HS6ST3: variants seen among roughly 807,000 people sequenced by gnomAD.
HS6ST3 encodes the protein heparan-sulfate 6-O-sulfotransferase 3.
A neutral mutation model predicts 36.7 loss-of-function variants in HS6ST3; 12 were observed. That is an observed-to-expected ratio of 0.33 (90% CI 0.21 to 0.53). The LOEUF is 0.53. Among genes scored for constraint, HS6ST3 ranks in the 20% least tolerant of loss-of-function variants. The pLI is 0.95. For missense variants in HS6ST3, 584 were observed against 640.9 expected (o/e 0.91, Z 0.96); for synonymous variants, 240 against 257.5 (o/e 0.93, Z 0.65).
intron 1 of HS6ST3, among the ~76,000 whole-genome samples, chr13:96,676,041 C>T (rs1161624760): frequency 6.6e-6 from 1 of 152,112 alleles, no homozygotes; most frequent in Admixed American, 6.6e-5. Context: ...GTAAGATCCA[C>T]CCGTGCACAG....
rs1566456735 is a variant in HS6ST3, at chr13:96,799,946, A to ATATATATATATATATATG, written c.708-32542_708-32525dup. 1.6e-3 allele frequency among the ~76,000 whole-genome samples: 120 copies of ATATATATATATATATATG among 77,058 alleles called. 2 individuals carry two copies. The highest frequency in any genetic ancestry group is 4.8e-3 in the South Asian group (12 of 2,486). The allele number at this position is 77,058 out of a possible 152,430, so 50.6% of individuals were successfully genotyped here. On this transcript the variant is annotated intron_variant, in intron 1 of 1. Coordinates refer to ENST00000376705, the MANE Select transcript of HS6ST3 (RefSeq NM_153456.4). ...CTTTTGAATACATATATGTGTGTGT[A>ATATATATATATATATATG]TATATATATATATATATGTGTATAT...
intron 1 of HS6ST3, among the ~76,000 whole-genome samples, chr13:96,674,727 C>CT (rs2056693529): frequency 1.3e-5 from 2 of 152,138 alleles, no homozygotes; most frequent in African/African-American, 4.8e-5. Flanking sequence ...AGTTCTGAGC[C>CT]TTTTTGTGAT....
intron 1 of HS6ST3, among the ~76,000 whole-genome samples, chr13:96,564,638 A>T (rs1410979245): frequency 6.6e-6 from 1 of 152,210 alleles, no homozygotes; most frequent in African/African-American, 2.4e-5. Flanking sequence ...ACCTGGGCAA[A>T]TCTAAACAAA....
At chr13:96,180,293 G>A (rs919814879) in intron 1 of HS6ST3, among the ~76,000 whole-genome samples, 11 of 152,148 alleles carry the variant, frequency 7.2e-5, no homozygotes, top group African/African-American at 2.7e-4. Context: ...TGCTCTCTGA[G>A]CCTGTAGCTT....
chr13:96,450,535 G>A (rs1300151524), intron 1 of HS6ST3, among the ~76,000 whole-genome samples: 1 of 152,110 alleles, frequency 6.6e-6, no homozygotes, highest in Non-Finnish European at 1.5e-5. Context: ...AATGACTATT[G>A]AGTATTTTTT....
chr13:96,579,260 T>C (rs2056333107), intron 1 of HS6ST3, among the ~76,000 whole-genome samples: 1 of 152,186 alleles, frequency 6.6e-6, no homozygotes, highest in South Asian at 2.1e-4. Flanking sequence ...TGTTATTTTC[T>C]ATAGGGATTC....
At chr13:96,691,988 T>C (rs1273251164) in intron 1 of HS6ST3, among the ~76,000 whole-genome samples, 1 of 152,092 alleles carries the variant, frequency 6.6e-6, no homozygotes, top group Non-Finnish European at 1.5e-5. Flanking sequence ...CTAAATACAG[T>C]ATATGGTACT....
In HS6ST3 at chr13:96,610,889, T is replaced by A. The variant is rs561847853; in HGVS notation, c.708-221601T>A. ...ACAAAAAACAAAACAACCCCACAAC[T>A]TCAGGCATATTGCTTGAAAGATATA... On this transcript the variant is annotated intron_variant, in intron 1 of 1. Transcript: ENST00000376705. 2.0e-5 allele frequency among the ~76,000 whole-genome samples: 3 copies of A among 150,890 alleles called. No homozygotes were observed. The South Asian group carries it at 6.3e-4, about 32-fold the overall frequency.
At chr13:96,734,921 C>G (rs1235720505) in intron 1 of HS6ST3, among the ~76,000 whole-genome samples, 1 of 151,828 alleles carries the variant, frequency 6.6e-6, no homozygotes, top group Non-Finnish European at 1.5e-5. Flanking sequence ...TACCTTTAAG[C>G]TTTGAGGTGC....
At chr13:96,110,602 A>C (rs2053863712) in intron 1 of HS6ST3, among the ~76,000 whole-genome samples, 1 of 151,828 alleles carries the variant, frequency 6.6e-6, no homozygotes, top group South Asian at 2.1e-4. Flanking sequence ...ATGCCCGGCT[A>C]ATTTTTTGTA....
chr13:96,785,077 G>A (rs1367423575), intron 1 of HS6ST3, among the ~76,000 whole-genome samples: 2 of 152,126 alleles, frequency 1.3e-5, no homozygotes, highest in African/African-American at 2.4e-5. Flanking sequence ...ACTGAGGTGG[G>A]AGAATCCCTT....
intron 1 of HS6ST3, among the ~76,000 whole-genome samples, chr13:96,742,377 T>G (rs1053940484): frequency 6.6e-6 from 1 of 152,120 alleles, no homozygotes; most frequent in African/African-American, 2.4e-5. Flanking sequence ...TACAGAGATA[T>G]TCTTTTGAAT....
At chr13:96,288,146 G>A (rs2054812697) in intron 1 of HS6ST3, among the ~76,000 whole-genome samples, 1 of 130,462 alleles carries the variant, frequency 7.7e-6, no homozygotes, top group South Asian at 2.5e-4. Flanking sequence ...AGCCCTAAGG[G>A]TGATTTTGAT....
At chr13:96,102,412 G>A (rs1020414157) in intron 1 of HS6ST3, among the ~76,000 whole-genome samples, 4 of 152,040 alleles carry the variant, frequency 2.6e-5, no homozygotes, top group Non-Finnish European at 4.4e-5. Flanking sequence ...AACCCAGGAG[G>A]GGGAGGTTGC....
intron 1 of HS6ST3, among the ~76,000 whole-genome samples, chr13:96,293,034 C>T (rs1228384252): frequency 6.6e-6 from 1 of 151,946 alleles, no homozygotes; most frequent in Non-Finnish European, 1.5e-5. Context: ...GAGATATTAA[C>T]ATATGACACC....
chr13:96,155,063 C>T (rs2054104017), intron 1 of HS6ST3, among the ~76,000 whole-genome samples: 1 of 151,968 alleles, frequency 6.6e-6, no homozygotes, highest in Non-Finnish European at 1.5e-5. Flanking sequence ...TTAAGTTAAT[C>T]ATTCAGTTAT....
chr13:96,525,724 G>A (rs914848952), intron 1 of HS6ST3, among the ~76,000 whole-genome samples: 2 of 152,138 alleles, frequency 1.3e-5, no homozygotes, highest in East Asian at 1.9e-4. Flanking sequence ...CTTTTATAAT[G>A]TACCTATTAG....
Position 96,487,625 on chromosome 13 carries a change from A to G in HS6ST3, c.708-344865A>G, listed in dbSNP as rs2055921928. Among the ~76,000 whole-genome samples, 3 of 152,236 alleles carry G rather than the reference A, an allele frequency of 2.0e-5. No homozygotes were observed. The South Asian group carries it at 6.2e-4, about 32-fold the overall frequency. On this transcript the variant is annotated intron_variant, in intron 1 of 1. Coordinates refer to ENST00000376705, the MANE Select transcript of HS6ST3 (RefSeq NM_153456.4). The stretch of plus-strand genomic sequence containing the variant: ...TATTTCCACATTCATGGAGAATATT[A>G]TACATACAAGGACAAAGGCCATGTT...
At chr13:96,160,299 C>T (rs1458488518) in intron 1 of HS6ST3, among the ~76,000 whole-genome samples, 1 of 152,160 alleles carries the variant, frequency 6.6e-6, no homozygotes, top group Non-Finnish European at 1.5e-5. Context: ...CCCTGGGCAC[C>T]TAGAAATCAT....
Sources: allele counts gnomAD v4.1 joint callset (sites outside exome capture counted in the v4.1 genomes callset), GRCh38; gene constraint gnomAD v4.1.1; transcripts MANE v1.5; gene names NCBI Gene and HGNC (gene_info 2026-07-23, HGNC 2026-07-21).